The following SFMBT2 variants were observed in gnomAD, a reference collection of about 807,000 sequenced individuals.
SFMBT2 encodes Scm like with four mbt domains 2, also known as scm-like with four MBT domains protein 2.
A neutral mutation model predicts 110.1 loss-of-function variants in SFMBT2; 38 were observed. The ratio of observed to expected loss-of-function variants is 0.35; its 90% CI spans 0.27 to 0.45. SFMBT2 has a LOEUF of 0.45. Ranked by LOEUF, SFMBT2 falls within the 20% of genes least tolerant of loss-of-function variation. SFMBT2 has a pLI of 1.00. For synonymous variants in SFMBT2, 425 were observed against 425.4 expected (o/e 1.00, Z 0.01); for missense variants, 1,011 against 1,094.9 (o/e 0.92, Z 1.08).
intron 15 of SFMBT2, among the ~76,000 whole-genome samples, chr10:7,190,822 GA>G (rs765957251): frequency 6.6e-6 from 1 of 152,160 alleles, no homozygotes; most frequent in African/African-American, 2.4e-5. Context: ...GTTTGGCTGT[GA>G]CCCCACCCAA....
intron 9 of SFMBT2, among the ~76,000 whole-genome samples, chr10:7,242,253 T>G (rs1840454681): frequency 6.6e-6 from 1 of 152,168 alleles, no homozygotes; most frequent in Non-Finnish European, 1.5e-5. Flanking sequence ...CACAGGTGTC[T>G]CCACTGGACA....
At chr10:7,384,169 C>T (rs1003885008) in intron 1 of SFMBT2, among the ~76,000 whole-genome samples, 1 of 132,538 alleles carries the variant, frequency 7.5e-6, no homozygotes, top group African/African-American at 3.0e-5. Context: ...TGAGATCGCG[C>T]CATTGCTCTC....
intron 1 of SFMBT2, among the ~76,000 whole-genome samples, chr10:7,400,160 G>A (rs892875546): frequency 1.3e-5 from 2 of 152,200 alleles, no homozygotes; most frequent in African/African-American, 2.4e-5. Context: ...GTGGCCCTGA[G>A]TGCCCAGCTG....
At chr10:7,239,592 C>T (rs1292512221) in intron 9 of SFMBT2, among the ~76,000 whole-genome samples, 1 of 152,178 alleles carries the variant, frequency 6.6e-6, no homozygotes, top group Non-Finnish European at 1.5e-5. Context: ...ATACTGCACT[C>T]TCACAAGAGA....
At chr10:7,215,264 G>A (rs1839495537) in intron 11 of SFMBT2, among the ~76,000 whole-genome samples, 1 of 152,090 alleles carries the variant, frequency 6.6e-6, no homozygotes, top group African/African-American at 2.4e-5. Flanking sequence ...AATTAGCCAG[G>A]TGTGGTGGCA....
chr10:7,260,255 C>T (rs2131771394), intron 7 of SFMBT2, among the ~76,000 whole-genome samples: 2 of 152,252 alleles, frequency 1.3e-5, no homozygotes, highest in South Asian at 4.1e-4. Context: ...ACACAAAGAC[C>T]AGACAGAAAA....
chr10:7,184,590 GTCAAAA>G (rs1206055888), intron 16 of SFMBT2, among the ~76,000 whole-genome samples: 1 of 152,044 alleles, frequency 6.6e-6, no homozygotes, highest in East Asian at 1.9e-4. Context: ...TGGATTTTGA[GTCAAAA>G]ACAAAAACAG....
At chr10:7,189,519 G>GCAAATCAT in intron 15 of SFMBT2, among the ~76,000 whole-genome samples, 1 of 152,164 alleles carries the variant, frequency 6.6e-6, no homozygotes, top group Non-Finnish European at 1.5e-5. Flanking sequence ...CTTTCAAAAA[G>GCAAATCAT]CAAATCATCA....
At chr10:7,291,518 C>T (rs781512143) in intron 4 of SFMBT2, among the ~76,000 whole-genome samples, 3 of 152,128 alleles carry the variant, frequency 2.0e-5, no homozygotes, top group South Asian at 2.1e-4. Flanking sequence ...CCCTATTCCC[C>T]GGGTCCTCTC....
chr10:7,311,140 A>AAC (rs1475571359), intron 4 of SFMBT2, among the ~76,000 whole-genome samples: 15 of 151,998 alleles, frequency 9.9e-5, no homozygotes, highest in Non-Finnish European at 2.1e-4. Flanking sequence ...CCCTAAAAAA[A>AAC]AAACAAACTG....
intron 1 of SFMBT2, among the ~76,000 whole-genome samples, chr10:7,407,081 G>A (rs1354718380): frequency 6.6e-6 from 1 of 152,072 alleles, no homozygotes; most frequent in Non-Finnish European, 1.5e-5. Context: ...GATCTGAGAC[G>A]GTATTTATTT....
At chr10:7,320,692 T>C in intron 4 of SFMBT2, 1 of 835,140 alleles carries the variant, frequency 1.2e-6, no homozygotes, top group Non-Finnish European at 1.4e-6. Context: ...AAAGTAAAGT[T>C]TAAAGAGTCT....
intron 1 of SFMBT2, among the ~76,000 whole-genome samples, chr10:7,393,011 AT>A (rs1564472992): frequency 0.088 from 7,860 of 89,520 alleles, 1,137 homozygotes; most frequent in African/African-American, 0.35. Flanking sequence ...ATATATATAT[AT>A]ATATATATAT....
intron 7 of SFMBT2, among the ~76,000 whole-genome samples, chr10:7,273,797 G>A (rs1298747116): frequency 6.6e-6 from 1 of 152,232 alleles, no homozygotes; most frequent in Non-Finnish European, 1.5e-5. Flanking sequence ...TGGAGAGGAT[G>A]TGGAGAGATA....
intron 11 of SFMBT2, among the ~76,000 whole-genome samples, chr10:7,217,072 G>T (rs1663135047): frequency 6.6e-6 from 1 of 152,168 alleles, no homozygotes; most frequent in African/African-American, 2.4e-5. Context: ...TCTTGTAAAA[G>T]GCCATTTTCA....
chr10:7,195,924 C>G (rs150427897), intron 15 of SFMBT2, among the ~76,000 whole-genome samples: 1,526 of 152,266 alleles, frequency 0.01, 20 homozygotes, highest in South Asian at 0.052. Flanking sequence ...ATAGCCTTAT[C>G]GATTTCTGAC....
intron 4 of SFMBT2, among the ~76,000 whole-genome samples, chr10:7,294,130 G>A (rs916660488): frequency 5.3e-5 from 8 of 152,268 alleles, no homozygotes; most frequent in Admixed American, 2.0e-4. Context: ...CCACTGCTAG[G>A]GTGGGGGAAG....
In SFMBT2 at chr10:7,163,316, C is replaced by T. The variant is rs531661734; in HGVS notation, c.*454G>A. 6.4e-6 allele frequency: 1 copy of T among 156,672 alleles called. No homozygotes were observed. The highest frequency in any genetic ancestry group is 2.0e-4 in the South Asian group (1 of 5,076). 9.7% of individuals were successfully genotyped at this position (156,672 alleles called of 1,614,324 possible). ...AGATGAAACCGCAAGTGCCACTCAA[C>T]CAGGGTCACACGCCTATCCATGGGA... On this transcript the variant is annotated 3_prime_UTR_variant, in exon 21 of 21. Coordinates refer to ENST00000397167, the MANE Select transcript of SFMBT2 (RefSeq NM_001387889.1). The surrounding 1 kb of genome is among the most constrained non-coding windows in gnomAD (Gnocchi z 4.8).
At chr10:7,284,319 C>A in intron 5 of SFMBT2, 169 bp from the exon 6 acceptor site, 4 of 1,424,608 alleles carry the variant, frequency 2.8e-6, no homozygotes, top group Non-Finnish European at 2.7e-6. Flanking sequence ...CACCCCTTCC[C>A]TTTCCTCCCT....
Sources: allele counts gnomAD v4.1 joint callset (sites outside exome capture counted in the v4.1 genomes callset), GRCh38; gene constraint gnomAD v4.1.1; non-coding constraint Gnocchi (gnomAD v3.1); transcripts MANE v1.5; gene names NCBI Gene and HGNC (gene_info 2026-07-23, HGNC 2026-07-21).